The following PCDHA2 variants were observed in gnomAD, a reference collection of about 807,000 sequenced individuals.
PCDHA2 encodes protocadherin alpha-2.
A neutral mutation model predicts 66.0 loss-of-function variants in PCDHA2; 58 were observed. The observed-to-expected ratio is 0.88, with a 90% confidence interval of 0.71 to 1.09. The LOEUF is 1.09. Among genes scored for constraint, PCDHA2 ranks in the 50% least tolerant of loss-of-function variants. The pLI, the probability that PCDHA2 is intolerant of heterozygous loss-of-function variation, is 0.00. For missense variants in PCDHA2, 1,267 were observed against 1,242.3 expected, an observed-to-expected ratio of 1.02 and a Z score of -0.30; for synonymous variants, 634 against 554.0, an observed-to-expected ratio of 1.14 and a Z score of -2.03.
At chr5:140,877,811 GAGA>G in intron 1 of PCDHA2, 1 of 1,610,242 alleles carries the variant, frequency 6.2e-7, no homozygotes, top group African/African-American at 1.3e-5. Flanking sequence ...CAGCTGTCTC[GAGA>G]AGATTGTTTA....
chr5:140,835,730 C>T (rs1773881312), intron 1 of PCDHA2: 30 of 1,613,686 alleles, frequency 1.9e-5, no homozygotes, highest in Non-Finnish European at 2.5e-5. Context: ...CCGACGTGAA[C>T]GACAACGCCC....
At chr5:140,874,174 G>A (rs2054753797) in intron 1 of PCDHA2, among the ~76,000 whole-genome samples, 1 of 152,292 alleles carries the variant, frequency 6.6e-6, no homozygotes, top group East Asian at 1.9e-4. Context: ...CTTTCCTGGT[G>A]TTGTAAAGGT....
chr5:140,849,738 C>T (rs1562459111), intron 1 of PCDHA2: 4 of 1,598,360 alleles, frequency 2.5e-6, no homozygotes, highest in East Asian at 2.2e-5. Flanking sequence ...AGCTCTGGAC[C>T]GCGAGAGTGT....
At chr5:140,939,051 T>G (rs1359303875) in intron 1 of PCDHA2, among the ~76,000 whole-genome samples, 1 of 152,236 alleles carries the variant, frequency 6.6e-6, no homozygotes, top group East Asian at 1.9e-4. Flanking sequence ...TTAGTCCATT[T>G]GGGCTGCTAT....
chr5:140,848,405 C>T, intron 1 of PCDHA2: 2 of 1,329,956 alleles, frequency 1.5e-6, no homozygotes, highest in Non-Finnish European at 2.1e-6. Flanking sequence ...TGAACGATGG[C>T]GAACACAGCA....
At chr5:140,950,389 T>C (rs269550) in intron 1 of PCDHA2, among the ~76,000 whole-genome samples, 33,984 of 151,960 alleles carry the variant, frequency 0.22, 4,900 homozygotes, top group African/African-American at 0.41. Context: ...TTGAATGATA[T>C]AGAATTCTGG....
In PCDHA2 at chr5:140,848,769, C is replaced by A. The variant is rs2150419947; in HGVS notation, c.2388+51417C>A. On this transcript the variant is annotated intron_variant, in intron 1 of 3. Coordinates refer to ENST00000526136, the MANE Select transcript of PCDHA2 (RefSeq NM_018905.3). ...TTTGTTTGTGAATTCTCGGATCGAC[C>A]GCGAGGAGCTGTGCGGGCGGAGCGC... 9.6e-5 allele frequency: 153 copies of A among 1,593,410 alleles called. 12 individuals are homozygous for A. The Admixed American group carries it at 1.9e-3, about 20-fold the overall frequency.
At position 140,797,008 on chromosome 5, in the gene PCDHA2, G is replaced by C. The variant is rs782153484; in HGVS notation, c.2044G>C (p.Ala682Pro). ...CCAGGCACCCAAGGCCTCGTCGCGG[G>C]CGTGGGTGGGCGCCGCGGGCTCAGA... Reference protein sequence around the residue: ...SGQAPKASSRAWVGAAGSEAT... With the variant: ...SGQAPKASSRPWVGAAGSEAT... The change falls in exon 1 of 4, where the codon GCG (alanine) becomes CCG (proline). Residue 682 changes from alanine to proline, a missense_variant. Physicochemically the swap from Ala to Pro is conservative, Grantham distance 27 (BLOSUM62 -1). Transcript: ENST00000526136. 1 of 1,613,712 alleles carries C rather than the reference G, an allele frequency of 6.2e-7. No homozygotes were observed. The highest frequency in any genetic ancestry group is 8.5e-7 in the Non-Finnish European group (1 of 1,179,966).
chr5:140,824,316 A>T (rs1482945838), intron 1 of PCDHA2: 2 of 744,252 alleles, frequency 2.7e-6, no homozygotes, highest in African/African-American at 3.5e-5. Flanking sequence ...TAGATTCATC[A>T]GCTTTCTGTG....
At chr5:140,997,762 A>G (rs2097784598) in intron 3 of PCDHA2, among the ~76,000 whole-genome samples, 1 of 152,118 alleles carries the variant, frequency 6.6e-6, no homozygotes, top group Non-Finnish European at 1.5e-5. Context: ...GAGTAAGGAT[A>G]TAGCACTATG....
At chr5:140,797,494 T>C (rs371756510) in intron 1 of PCDHA2, 142 bp downstream of exon 1, 3 of 961,552 alleles carry the variant, frequency 3.1e-6, no homozygotes, top group East Asian at 2.6e-5. Flanking sequence ...GAATTAGAGA[T>C]CAATTTATTG....
At chr5:140,969,309 A>G in intron 1 of PCDHA2, 2 of 1,614,212 alleles carry the variant, frequency 1.2e-6, no homozygotes, top group Non-Finnish European at 1.7e-6. Context: ...ATTCTCAAAA[A>G]TGAGGCTGTT....
chr5:140,827,752 C>A (rs1357431971), intron 1 of PCDHA2, among the ~76,000 whole-genome samples: 1 of 152,200 alleles, frequency 6.6e-6, no homozygotes, highest in Non-Finnish European at 1.5e-5. Context: ...AGATCCCTTA[C>A]TTTAAATTAA....
chr5:140,966,923 G>A (rs781929029), intron 1 of PCDHA2: 36 of 1,602,826 alleles, frequency 2.2e-5, no homozygotes, highest in Non-Finnish European at 3.0e-5. Context: ...AGAGGAGCAG[G>A]CACCCGGCGC....
At chr5:140,873,816 A>G (rs1419963733) in intron 1 of PCDHA2, among the ~76,000 whole-genome samples, 3 of 151,528 alleles carry the variant, frequency 2.0e-5, no homozygotes, top group East Asian at 3.9e-4. Context: ...ATGCACCACC[A>G]CTCCTGGCTA....
Position 140,968,897 on chromosome 5 carries a change from G to A in PCDHA2, c.2389-10052G>A, listed in dbSNP as rs1554231210. On this transcript the variant is annotated intron_variant, in intron 1 of 3. Transcript: ENST00000526136. The stretch of plus-strand genomic sequence containing the variant: ...TGAAATTACCCTTTATCTAATAATA[G>A]CATTAAGCACAGTGTCTTTTATATT... The A allele has an allele frequency of 3.7e-6, 6 of 1,614,034 alleles. No homozygotes were observed. In the African/African-American group the frequency reaches 4.0e-5, roughly 11 times the overall value.
rs781952003 is a variant in PCDHA2 at position 140,795,861 on chromosome 5, A to G, written c.897A>G (p.Ser299=). Residue 299 remains serine, a synonymous_variant, in exon 1 of 4, where the codon TCA becomes TCG. Coordinates refer to ENST00000526136, the MANE Select transcript of PCDHA2 (RefSeq NM_018905.3). ...IQTKFTIDPI[S]GEIRTKGKLD... ...CTAAGTTTACCATAGATCCCATCTC[A>G]GGGGAAATCAGAACTAAGGGAAAAT... 5.6e-6 allele frequency: 9 copies of G among 1,613,840 alleles called. No individual in the cohort carries two copies. The African/African-American group carries it at 1.2e-4, about 22-fold the overall frequency.
chr5:140,895,687 T>G (rs1417809630), intron 1 of PCDHA2, among the ~76,000 whole-genome samples: 2 of 152,184 alleles, frequency 1.3e-5, no homozygotes, highest in African/African-American at 4.8e-5. Flanking sequence ...GTTTTCTGTT[T>G]CTATATTAAT....
chr5:140,841,787 G>T, intron 1 of PCDHA2: 1 of 1,613,878 alleles, frequency 6.2e-7, no homozygotes, highest in Non-Finnish European at 8.5e-7. Flanking sequence ...TCCGCTAGAG[G>T]GCGCGTCCGA....
Sources: gnomAD v4.1 joint callset for allele counts (sites outside exome capture counted in the v4.1 genomes callset) on GRCh38, gnomAD v4.1.1 for gene constraint, MANE v1.5 for transcripts, NCBI Gene and HGNC (gene_info 2026-07-23, HGNC 2026-07-21) for gene names.